CUBN: variants seen among roughly 807,000 people sequenced by gnomAD.
CUBN encodes the protein 460 kDa receptor.
A neutral mutation model predicts 405.3 loss-of-function variants in CUBN; 282 were observed. The ratio of observed to expected loss-of-function variants is 0.70; its 90% CI spans 0.63 to 0.77. The LOEUF (loss-of-function observed/expected upper bound fraction) is 0.77. Ranked by LOEUF, CUBN falls within the 30% of genes least tolerant of loss-of-function variation. The pLI is 0.00. For synonymous variants in CUBN, 1,684 were observed against 1,617.0 expected (o/e 1.04, Z -0.99); for missense variants, 4,514 against 4,475.2 (o/e 1.01, Z -0.25).
intron 30 of CUBN, among the ~76,000 whole-genome samples, chr10:16,983,373 C>T (rs1237717940): frequency 6.6e-6 from 1 of 152,040 alleles, no homozygotes; most frequent in Non-Finnish European, 1.5e-5. Flanking sequence ...GAAGTGTGGC[C>T]ATAAGGTAGT....
At position 16,840,966 on chromosome 10, in the gene CUBN, C is replaced by T; in HGVS notation, c.9745G>A (p.Gly3249Ser). 1.2e-6 allele frequency: 2 copies of T among 1,613,954 alleles called. No homozygotes were observed. Among genetic ancestry groups the T allele is most frequent in the African/African-American group, 1.3e-5 (1 of 75,012 alleles). ...ATGAATTGAACCGTAAGGAAGTTAC[C>T]AGAAGAGATAAAAGGAGCAGGTACT... is the stretch of plus-strand genomic sequence containing the variant. ...STVPAPFISS[G>S]NFLTVQFISD... Residue 3249 changes from glycine (G) to serine (S), a missense_variant, in exon 61 of 67, where the codon GGT (glycine) becomes AGT (serine). Transcript: ENST00000377833.
intron 31 of CUBN, among the ~76,000 whole-genome samples, chr10:16,971,236 T>C (rs934892503): frequency 5.9e-5 from 9 of 152,254 alleles, no homozygotes; most frequent in African/African-American, 2.2e-4. Context: ...GGATTGGCTT[T>C]ATATGAACTG....
rs188871308 is a variant in CUBN, at chr10:16,823,986, T to A, written c.*989A>T. 3 of 152,322 alleles carry A rather than the reference T, an allele frequency of 2.0e-5. No individual in the cohort carries two copies. The East Asian group carries it at 5.8e-4, about 29-fold the overall frequency. 9.4% of individuals were successfully genotyped at this position (152,322 alleles called of 1,614,324 possible). On this transcript the variant is annotated 3_prime_UTR_variant, in exon 67 of 67. Coordinates refer to ENST00000377833, the MANE Select transcript of CUBN (RefSeq NM_001081.4). ...CATAATTGTGTACAATTCAATAATG[T>A]TTATTATGTGTAATTGAACATTCAC...
chr10:17,068,020 C>A, intron 21 of CUBN, 44 bp downstream of exon 21: 1 of 1,482,932 alleles, frequency 6.7e-7, no homozygotes, highest in Non-Finnish European at 9.4e-7. Context: ...AGCAGGAAAT[C>A]AGTGAAGTTT....
chr10:17,006,374 TCACCCTCA>T (rs1334520206), intron 28 of CUBN, among the ~76,000 whole-genome samples: 1 of 152,216 alleles, frequency 6.6e-6, no homozygotes, highest in Non-Finnish European at 1.5e-5. Context: ...CCCAGCTTAC[TCACCCTCA>T]CACCCTAAGG....
intron 22 of CUBN, among the ~76,000 whole-genome samples, chr10:17,049,890 T>G (rs148424488): frequency 3.0e-4 from 45 of 152,358 alleles, no homozygotes; most frequent in African/African-American, 1.1e-3. Context: ...TGTTTTTATG[T>G]GAGTATATTT....
chr10:16,960,416 C>T, intron 31 of CUBN, among the ~76,000 whole-genome samples: 1 of 152,126 alleles, frequency 6.6e-6, no homozygotes, highest in Non-Finnish European at 1.5e-5. Flanking sequence ...TGCTTGAACC[C>T]AGGAGGCAGA....
intron 17 of CUBN, among the ~76,000 whole-genome samples, chr10:17,074,185 T>TA (rs1484268262): frequency 2.0e-5 from 3 of 152,190 alleles, no homozygotes; most frequent in Non-Finnish European, 4.4e-5. Flanking sequence ...ACAAGGAACT[T>TA]ACAATAGGCA....
intron 27 of CUBN, among the ~76,000 whole-genome samples, chr10:17,024,217 G>A (rs776902222): frequency 2.6e-5 from 4 of 152,150 alleles, no homozygotes; most frequent in Admixed American, 6.5e-5. Flanking sequence ...AAGACACCAC[G>A]TGTGGTCAAT....
chr10:17,011,015 G>T (rs1025711328), intron 28 of CUBN, among the ~76,000 whole-genome samples: 1 of 152,198 alleles, frequency 6.6e-6, no homozygotes, highest in Admixed American at 6.5e-5. Context: ...GATTTTGACA[G>T]CAGGGCCACA....
rs779374280 is a variant in CUBN, at chr10:16,899,183, C to T, written c.8411G>A (p.Gly2804Asp). 3 of 1,612,566 alleles carry T rather than the reference C, an allele frequency of 1.9e-6. No homozygotes were observed. The highest frequency in any genetic ancestry group is 2.5e-6 in the Non-Finnish European group (3 of 1,178,704). Residue 2804 changes from glycine (G) to aspartate (D), a missense_variant and splice_region_variant, in exon 54 of 67, where the codon GGT becomes GAT. This residue lies in a region of CUBN where 1,186 missense variants were observed against 1,186.9 expected (regional missense o/e 1.00). Coordinates refer to ENST00000377833, the MANE Select transcript of CUBN (RefSeq NM_001081.4). ...ATCAGAATGAAATATTCCACCACAA[C>T]CTGAAATATTGCCATGTAAAAAGCC... ...FYATWNTQTL[G>D]CGGIFHSDNG...
In CUBN at chr10:16,832,283, G is replaced by A. The variant is rs1296669115; in HGVS notation, c.10363-866C>T. ...GGAAATGCTGATTTTACTGATCTAT[G>A]TATTCAAAATATTGGAAGTTCCTCT... On this transcript the variant is annotated intron_variant, in intron 64 of 66. Transcript: ENST00000377833. 2.6e-5 allele frequency among the ~76,000 whole-genome samples: 4 copies of A among 152,166 alleles called. No homozygotes were observed. The East Asian group carries it at 5.8e-4, about 22-fold the overall frequency.
chr10:16,914,213 A>T (rs1218981037), intron 47 of CUBN, among the ~76,000 whole-genome samples: 1 of 152,162 alleles, frequency 6.6e-6, no homozygotes, highest in African/African-American at 2.4e-5. Flanking sequence ...CACAGGCAGC[A>T]ATTTAGTTAT....
At chr10:17,025,090 C>T (rs1834621371) in intron 27 of CUBN, among the ~76,000 whole-genome samples, 1 of 152,102 alleles carries the variant, frequency 6.6e-6, no homozygotes. Context: ...TTGCAAATTC[C>T]ATAAAACCTC....
intron 36 of CUBN, among the ~76,000 whole-genome samples, chr10:16,941,390 G>C (rs971617523): frequency 6.6e-6 from 1 of 152,098 alleles, no homozygotes; most frequent in African/African-American, 2.4e-5. Flanking sequence ...AAATATAAAG[G>C]CTAGAAACAT....
At chr10:17,079,686 A>G (rs932853396) in intron 17 of CUBN, among the ~76,000 whole-genome samples, 40 of 152,308 alleles carry the variant, frequency 2.6e-4, no homozygotes, top group African/African-American at 9.6e-4. Flanking sequence ...TGCTTGCTCC[A>G]GGCCTTATTC....
At chr10:16,902,228 T>A (rs1207160853) in intron 51 of CUBN, among the ~76,000 whole-genome samples, 3 of 136,268 alleles carry the variant, frequency 2.2e-5, no homozygotes, top group East Asian at 2.0e-4. Flanking sequence ...TATATATATG[T>A]ATATATATAC....
chr10:16,905,930 T>C (rs1034411868), intron 50 of CUBN, among the ~76,000 whole-genome samples: 4 of 152,004 alleles, frequency 2.6e-5, no homozygotes, highest in Non-Finnish European at 5.9e-5. Flanking sequence ...CTGGACAACA[T>C]AGGGAGACCC....
chr10:16,985,764 C>T (rs748023034), intron 29 of CUBN, among the ~76,000 whole-genome samples: 3 of 152,246 alleles, frequency 2.0e-5, no homozygotes, highest in East Asian at 1.9e-4. Flanking sequence ...ACAGGTCCTG[C>T]GACGGGGTGG....
Sources: gnomAD v4.1 joint callset for allele counts (sites outside exome capture counted in the v4.1 genomes callset) on GRCh38, gnomAD v4.1.1 for gene constraint, gnomAD v4.1.1 regional missense constraint, MANE v1.5 for transcripts, NCBI Gene and HGNC (gene_info 2026-07-23, HGNC 2026-07-21) for gene names.